SCN7A: variants seen among roughly 807,000 people sequenced by gnomAD.
The protein encoded by SCN7A is sodium voltage-gated channel alpha subunit 7.
Under a neutral mutation model 155.2 loss-of-function variants are expected in SCN7A, and 138 were observed. That is an observed-to-expected ratio of 0.89 (90% CI 0.77 to 1.02). SCN7A has a LOEUF of 1.02. Among genes scored for constraint, SCN7A ranks in the 50% least tolerant of loss-of-function variants. The pLI is 0.00. For missense variants in SCN7A, 2,058 were observed against 1,986.6 expected (o/e 1.04, Z -0.68); for synonymous variants, 693 against 649.0 (o/e 1.07, Z -1.03).
At chr2:166,435,958 G>T (rs1276788074) in intron 15 of SCN7A, among the ~76,000 whole-genome samples, 1 of 152,020 alleles carries the variant, frequency 6.6e-6, no homozygotes, top group Non-Finnish European at 1.5e-5. Flanking sequence ...GAAAAATCTG[G>T]TAAAGATATA....
At chr2:166,461,908 T>G (rs962016031) in intron 10 of SCN7A, 1 of 153,492 alleles carries the variant, frequency 6.5e-6, no homozygotes, top group African/African-American at 2.4e-5. Flanking sequence ...GCTAATACGG[T>G]GAAACCCCTC....
intron 21 of SCN7A, among the ~76,000 whole-genome samples, chr2:166,415,453 G>C (rs1405772562): frequency 1.3e-5 from 2 of 151,858 alleles, no homozygotes; most frequent in African/African-American, 2.4e-5. Flanking sequence ...TTGATCTCTT[G>C]ACCTCATGAT....
chr2:166,423,819 T>C (rs568180261), intron 18 of SCN7A, among the ~76,000 whole-genome samples: 3 of 152,244 alleles, frequency 2.0e-5, no homozygotes, highest in African/African-American at 4.8e-5. Flanking sequence ...CTCACAGATA[T>C]ATGCCACTTA....
chr2:166,434,945 T>G (rs1371192371), intron 15 of SCN7A, among the ~76,000 whole-genome samples: 1 of 152,088 alleles, frequency 6.6e-6, no homozygotes, highest in Non-Finnish European at 1.5e-5. Context: ...AAATAGATTT[T>G]GTGCTAGGAT....
At chr2:166,491,045 C>T (rs1559133588) in intron 1 of SCN7A, among the ~76,000 whole-genome samples, 1 of 152,130 alleles carries the variant, frequency 6.6e-6, no homozygotes, top group Non-Finnish European at 1.5e-5. Flanking sequence ...GACCATGTCG[C>T]CTCTGGGAGA....
At chr2:166,430,222 A>G (rs567060927) in intron 16 of SCN7A, among the ~76,000 whole-genome samples, 9 of 152,150 alleles carry the variant, frequency 5.9e-5, no homozygotes, top group African/African-American at 2.2e-4. Context: ...TCTTAGACTT[A>G]TACACAGTAA....
At chr2:166,470,552 C>CA (rs1702629924) in intron 7 of SCN7A, 63 bp downstream of exon 7, 3 of 1,373,438 alleles carry the variant, frequency 2.2e-6, no homozygotes, top group Middle Eastern at 2.5e-4. Context: ...CAGGGAAGTT[C>CA]AAGTGAATAC....
rs115430641 is a variant in SCN7A, at chr2:166,486,942, C to A, written c.-101G>T. ...TTTCCCTCAGCTCTAATGACCTGGC[C>A]ATGTTGGCATTCACATGGTGGAGGA... is the stretch of plus-strand genomic sequence containing the variant. On this transcript the variant is annotated 5_prime_UTR_variant, in exon 2 of 26. An upstream start codon of the reference 5' UTR is lost. Transcript: ENST00000643258. The A allele has an allele frequency of 0.012, 1,898 of 152,294 alleles. 16 individuals are homozygous for A. Among genetic ancestry groups the A allele is most frequent in the Non-Finnish European group, 0.019 (1,259 of 68,038 alleles). 9.4% of individuals were successfully genotyped at this position (152,294 alleles called of 1,614,324 possible). A position where few individuals can be genotyped will look rare whatever the true frequency, so the allele number is the denominator to read the frequency against.
chr2:166,414,626 T>C (rs1701320556), intron 21 of SCN7A: 1 of 144,288 alleles, frequency 6.9e-6, no homozygotes, highest in South Asian at 2.1e-4. Context: ...TGGGCTATAA[T>C]ATCAGTTGGC....
At chr2:166,421,355 G>T in intron 19 of SCN7A, 58 bp from the exon 20 acceptor site, 2 of 998,752 alleles carry the variant, frequency 2.0e-6, no homozygotes, top group Non-Finnish European at 2.8e-6. Context: ...AAAATAACAT[G>T]TAAAATAAAC....
At chr2:166,462,366 G>C (rs768646644) in intron 10 of SCN7A, 23 bp downstream of exon 10, 2 of 1,570,040 alleles carry the variant, frequency 1.3e-6, no homozygotes, top group Non-Finnish European at 1.7e-6. Context: ...CCTAAGTACA[G>C]TACAATTTCT....
intron 1 of SCN7A, among the ~76,000 whole-genome samples, chr2:166,491,597 A>G (rs1245494287): frequency 2.0e-5 from 3 of 152,146 alleles, no homozygotes; most frequent in Admixed American, 6.5e-5. Flanking sequence ...CCTTCTTTCA[A>G]TGTTGCTGCA....
rs577384979 is a variant in SCN7A, at chr2:166,480,180, G to A, written c.-14-2470C>T. The stretch of plus-strand genomic sequence containing the variant: ...TTCCTTTAAAATAGCCTTTCAGGCC[G>A]CGCAGGGTGGCTCATGCCTGTAATC... On this transcript the variant is annotated intron_variant, in intron 2 of 25. Transcript: ENST00000643258. Among the ~76,000 whole-genome samples the A allele has an allele frequency of 1.1e-4, 17 of 152,202 alleles. No individual in the cohort carries two copies. In the East Asian group the frequency reaches 1.7e-3, roughly 16 times the overall value.
chr2:166,440,318 G>A (rs958717511), intron 15 of SCN7A, among the ~76,000 whole-genome samples: 1 of 152,166 alleles, frequency 6.6e-6, no homozygotes, highest in African/African-American at 2.4e-5. Context: ...GGAAAAGACT[G>A]ACAGCAGTGT....
chr2:166,417,080 AT>A, intron 20 of SCN7A, 95 bp from the exon 21 acceptor site: 1 of 979,446 alleles, frequency 1.0e-6, no homozygotes, highest in Non-Finnish European at 1.5e-6. Context: ...AGAATAACAT[AT>A]TTAAAAAAAA....
chr2:166,447,956 TA>T (rs1441430018), intron 11 of SCN7A, among the ~76,000 whole-genome samples: 39 of 152,328 alleles, frequency 2.6e-4, no homozygotes, highest in African/African-American at 9.4e-4. Flanking sequence ...CTTTTCTTTG[TA>T]TTGATAACAT....
At chr2:166,415,132 T>G (rs1431152268) in intron 21 of SCN7A, among the ~76,000 whole-genome samples, 2 of 149,202 alleles carry the variant, frequency 1.3e-5, no homozygotes, top group African/African-American at 4.9e-5. Flanking sequence ...TAAAGATAGT[T>G]TGGGCCAGTA....
At chr2:166,436,779 A>G (rs367932434) in intron 15 of SCN7A, among the ~76,000 whole-genome samples, 40 of 152,284 alleles carry the variant, frequency 2.6e-4, no homozygotes, top group African/African-American at 8.9e-4. Flanking sequence ...ACTTGTTGAG[A>G]ACTGGAGCAA....
At position 166,440,196 on chromosome 2, in the gene SCN7A, A is replaced by C. The variant is rs190999493; in HGVS notation, c.2157+1200T>G. Among the ~76,000 whole-genome samples the C allele has an allele frequency of 1.7e-4, 26 of 152,324 alleles. No individual in the cohort carries two copies. The East Asian group carries it at 4.4e-3, about 26-fold the overall frequency. Reference sequence around the variant, plus strand: ...ACAATTTAATCAACTGAAGATTTTCAAAAAATCCTGATGACCAGGTCATGT... The same window carrying C: ...ACAATTTAATCAACTGAAGATTTTCCAAAAATCCTGATGACCAGGTCATGT... On this transcript the variant is annotated intron_variant, in intron 15 of 25. Transcript: ENST00000643258.
Sources: gnomAD v4.1 joint callset for allele counts (sites outside exome capture counted in the v4.1 genomes callset) on GRCh38, gnomAD v4.1.1 for gene constraint, MANE v1.5 for transcripts, NCBI Gene and HGNC (gene_info 2026-07-23, HGNC 2026-07-21) for gene names.